MYRIP: variants seen among roughly 807,000 people sequenced by gnomAD.
The protein encoded by MYRIP is myosin VIIA and Rab interacting protein, also known as rab effector MyRIP.
A neutral mutation model predicts 98.0 loss-of-function variants in MYRIP; 49 were observed. That is an observed-to-expected ratio of 0.50 (90% CI 0.40 to 0.63). The LOEUF is 0.63. MYRIP is among the 30% of genes least tolerant of loss of function. The pLI is 0.00. For missense variants in MYRIP, 1,004 were observed against 1,058.2 expected, an observed-to-expected ratio of 0.95 and a Z score of 0.71; for synonymous variants, 404 against 409.5, an observed-to-expected ratio of 0.99 and a Z score of 0.16.
At chr3:39,984,804 T>C (rs1575437556) in intron 2 of MYRIP, among the ~76,000 whole-genome samples, 1 of 151,976 alleles carries the variant, frequency 6.6e-6, no homozygotes. Context: ...ATCGCCACAC[T>C]GACTTCCACA....
At chr3:39,937,737 G>C (rs1202689535) in intron 2 of MYRIP, among the ~76,000 whole-genome samples, 1 of 152,194 alleles carries the variant, frequency 6.6e-6, no homozygotes, top group African/African-American at 2.4e-5. Context: ...GGCTACTGCT[G>C]ACTTTAACTT....
chr3:40,255,028 A>AAGTT (rs1953528878), intron 16 of MYRIP, among the ~76,000 whole-genome samples: 1 of 152,180 alleles, frequency 6.6e-6, no homozygotes, highest in South Asian at 2.1e-4. Flanking sequence ...TTTGAAATAA[A>AAGTT]AGTTACTCTC....
intron 3 of MYRIP, among the ~76,000 whole-genome samples, chr3:40,077,191 A>T (rs1948363036): frequency 6.6e-6 from 1 of 152,280 alleles, no homozygotes; most frequent in East Asian, 1.9e-4. Flanking sequence ...TACAGCTCAT[A>T]AAACAGCGTG....
At chr3:40,220,676 G>C (rs576144247) in intron 11 of MYRIP, among the ~76,000 whole-genome samples, 1 of 152,286 alleles carries the variant, frequency 6.6e-6, no homozygotes, top group East Asian at 1.9e-4. Flanking sequence ...ATAAAGAAAA[G>C]AGGTTTAATT....
chr3:39,812,694 T>C (rs1367557184), intron 1 of MYRIP, among the ~76,000 whole-genome samples: 1 of 152,244 alleles, frequency 6.6e-6, no homozygotes, highest in African/African-American at 2.4e-5. Context: ...AATCAGAATT[T>C]GAAAGCTGAC....
intron 2 of MYRIP, among the ~76,000 whole-genome samples, chr3:40,018,311 C>A (rs556001192): frequency 1.3e-5 from 2 of 152,306 alleles, no homozygotes; most frequent in South Asian, 4.1e-4. Flanking sequence ...CCCACTTTTA[C>A]AAGGATGATG....
chr3:40,163,348 C>T (rs1950436121), intron 5 of MYRIP, among the ~76,000 whole-genome samples: 2 of 152,216 alleles, frequency 1.3e-5, no homozygotes, highest in African/African-American at 4.8e-5. Flanking sequence ...TCTCTATTCT[C>T]TCTTTGGGGG....
At chr3:40,202,561 A>C (rs1368066070) in intron 10 of MYRIP, among the ~76,000 whole-genome samples, 1 of 151,432 alleles carries the variant, frequency 6.6e-6, no homozygotes, top group Non-Finnish European at 1.5e-5. Context: ...AAGAGGTTAA[A>C]CCCCTTGCCT....
intron 1 of MYRIP, among the ~76,000 whole-genome samples, chr3:39,892,150 T>C (rs1195279561): frequency 3.3e-5 from 5 of 152,168 alleles, no homozygotes; most frequent in Non-Finnish European, 7.4e-5. Context: ...GAGAGATCAT[T>C]ATCCTGGCTC....
At chr3:39,872,926 A>G (rs1942848562) in intron 1 of MYRIP, among the ~76,000 whole-genome samples, 1 of 152,148 alleles carries the variant, frequency 6.6e-6, no homozygotes, top group East Asian at 1.9e-4. Flanking sequence ...GACTTCCACA[A>G]TGGTTGAACT....
chr3:40,219,545 T>A (rs943476683), intron 11 of MYRIP, among the ~76,000 whole-genome samples: 2 of 152,114 alleles, frequency 1.3e-5, no homozygotes, highest in Non-Finnish European at 2.9e-5. Flanking sequence ...CCATGTGTTC[T>A]CATTGTTCAA....
chr3:39,999,648 C>A (rs946918188), intron 2 of MYRIP, among the ~76,000 whole-genome samples: 4 of 152,114 alleles, frequency 2.6e-5, no homozygotes, highest in African/African-American at 7.2e-5. Flanking sequence ...ACTAGAAATA[C>A]CATTTGACCC....
In MYRIP at chr3:39,908,939, T is replaced by G. The variant is rs561084828; in HGVS notation, c.110+8013T>G. Among the ~76,000 whole-genome samples, 146 of 152,334 alleles carry G rather than the reference T, an allele frequency of 9.6e-4. 1 individual carries two copies. The highest frequency in any genetic ancestry group is 3.4e-3 in the African/African-American group (141 of 41,574). On this transcript the variant is annotated intron_variant, in intron 2 of 16. Transcript: ENST00000302541. ...CATGGCCTTTTGTAGCTCTTTGATATTCTGTACTAACACTTTGGCATTAAC... is the reference window on the plus strand; with the variant it reads ...CATGGCCTTTTGTAGCTCTTTGATAGTCTGTACTAACACTTTGGCATTAAC...
At chr3:40,239,301 C>A (rs1335832578) in intron 12 of MYRIP, among the ~76,000 whole-genome samples, 1 of 150,794 alleles carries the variant, frequency 6.6e-6, no homozygotes, top group African/African-American at 2.5e-5. Context: ...TTAATCCAGT[C>A]TATCATTGTT....
At chr3:39,981,958 T>G (rs1328339693) in intron 2 of MYRIP, among the ~76,000 whole-genome samples, 2 of 152,118 alleles carry the variant, frequency 1.3e-5, no homozygotes, top group African/African-American at 4.8e-5. Context: ...ACAAACATAG[T>G]TTTAAAGAAC....
intron 3 of MYRIP, among the ~76,000 whole-genome samples, chr3:40,089,334 T>A (rs1249194104): frequency 2.0e-5 from 3 of 152,240 alleles, no homozygotes; most frequent in Admixed American, 1.3e-4. Context: ...CATTGTGTTA[T>A]TTTAAACTTT....
At chr3:40,204,118 T>A (rs1212079349) in intron 10 of MYRIP, among the ~76,000 whole-genome samples, 3 of 20,420 alleles carry the variant, frequency 1.5e-4, no homozygotes, top group Admixed American at 1.0e-3. Flanking sequence ...AATATATAAA[T>A]ATAGAGTATT....
intron 3 of MYRIP, among the ~76,000 whole-genome samples, chr3:40,082,999 T>A (rs72873105): frequency 0.024 from 3,659 of 152,272 alleles, 100 homozygotes; most frequent in African/African-American, 0.062. Context: ...TTATCTTACA[T>A]TTAACGGACA....
At chr3:40,154,898 T>C (rs899980385) in intron 4 of MYRIP, among the ~76,000 whole-genome samples, 1 of 152,210 alleles carries the variant, frequency 6.6e-6, no homozygotes, top group Admixed American at 6.5e-5. Context: ...GGATAAATAA[T>C]ATATGCTTTA....
Sources: gnomAD v4.1 joint callset for allele counts (sites outside exome capture counted in the v4.1 genomes callset) on GRCh38, gnomAD v4.1.1 for gene constraint, MANE v1.5 for transcripts, NCBI Gene and HGNC (gene_info 2026-07-23, HGNC 2026-07-21) for gene names.